LRRIQ1: variants seen among roughly 807,000 people sequenced by gnomAD.
The protein encoded by LRRIQ1 is leucine rich repeats and IQ motif containing 1.
In LRRIQ1, 210 loss-of-function variants were observed where a neutral mutation model predicts 211.9. The observed-to-expected ratio is 0.99, with a 90% CI of 0.89 to 1.11. The LOEUF (loss-of-function observed/expected upper bound fraction) is 1.11. Among genes scored for constraint, LRRIQ1 ranks in the 50% most tolerant of loss-of-function variants. LRRIQ1 has a pLI of 0.00. For missense variants in LRRIQ1, 2,136 were observed against 1,939.5 expected, an observed-to-expected ratio of 1.10 and a Z score of -1.90; for synonymous variants, 699 against 650.1, an observed-to-expected ratio of 1.08 and a Z score of -1.14.
At chr12:85,264,145 A>AT (rs1458628109) in exon 2 of LRRIQ1, 1 of 152,056 alleles carries the variant, frequency 6.6e-6, no homozygotes, top group Non-Finnish European at 1.5e-5. Context: ...ATTAATTTGT[A>AT]TCCCCCATCT....
In LRRIQ1 at chr12:85,254,772, ACTC is replaced by A. The variant is rs200989455; in HGVS notation, c.122-8142_122-8140del. Among the ~76,000 whole-genome samples the A allele has an allele frequency of 7.0e-4, 107 of 152,086 alleles. No homozygotes were observed. In the East Asian group the frequency reaches 0.017, roughly 24 times the overall value. On this transcript the variant is annotated intron_variant, in intron 1 of 1. Coordinates refer to the LRRIQ1 transcript ENST00000602731. Reference sequence around the variant, plus strand: ...TTTTGCAAGGTTCAAAGTAGTCACTACTCATTAATGTTTTATTAAAATATGTGT... The same window carrying A: ...TTTTGCAAGGTTCAAAGTAGTCACTAATTAATGTTTTATTAAAATATGTGT...
At chr12:85,179,036 C>T (rs1038072949) in intron 24 of LRRIQ1, among the ~76,000 whole-genome samples, 7 of 151,806 alleles carry the variant, frequency 4.6e-5, no homozygotes, top group African/African-American at 1.2e-4. Flanking sequence ...AGATAGAATA[C>T]CTAATTCTGT....
At chr12:85,142,703 C>G (rs1046603255) in intron 19 of LRRIQ1, among the ~76,000 whole-genome samples, 3 of 151,514 alleles carry the variant, frequency 2.0e-5, no homozygotes, top group African/African-American at 7.3e-5. Context: ...GATTCCCTGT[C>G]TGAGTGAAAC....
intron 24 of LRRIQ1, among the ~76,000 whole-genome samples, chr12:85,208,922 G>C (rs184205637): frequency 6.6e-6 from 1 of 152,004 alleles, no homozygotes; most frequent in East Asian, 1.9e-4. Flanking sequence ...GTCTTCTGGT[G>C]CTGTTACTCA....
At chr12:85,107,110 A>G (rs1023770067) in intron 15 of LRRIQ1, among the ~76,000 whole-genome samples, 4 of 152,138 alleles carry the variant, frequency 2.6e-5, no homozygotes, top group Non-Finnish European at 4.4e-5. Flanking sequence ...TAAACCAAGA[A>G]AAATATTTTG....
At chr12:85,154,445 T>C (rs1890433685) in intron 23 of LRRIQ1, among the ~76,000 whole-genome samples, 1 of 151,392 alleles carries the variant, frequency 6.6e-6, no homozygotes. Context: ...TTGCGTGCTT[T>C]TAAATTGCTT....
intron 19 of LRRIQ1, among the ~76,000 whole-genome samples, chr12:85,150,804 A>G (rs1440930668): frequency 6.6e-6 from 1 of 151,734 alleles, no homozygotes; most frequent in East Asian, 2.0e-4. Flanking sequence ...CAAATATTGA[A>G]TTATTTACAA....
intron 26 of LRRIQ1, 96 bp from the exon 27 acceptor site, chr12:85,244,693 C>T (rs1895635524): frequency 9.4e-7 from 1 of 1,061,630 alleles, no homozygotes; most frequent in Non-Finnish European, 1.4e-6. Flanking sequence ...GGTTGTTTGA[C>T]AGAGCCTGTT....
intron 18 of LRRIQ1, among the ~76,000 whole-genome samples, chr12:85,137,139 A>G (rs1889192009): frequency 6.6e-6 from 1 of 151,432 alleles, no homozygotes; most frequent in Non-Finnish European, 1.5e-5. Flanking sequence ...TAATGTATAT[A>G]TTTATACACA....
rs565744344 is a variant in LRRIQ1 at position 85,097,445 on chromosome 12, T to TC, written c.2888-904dup. On this transcript the variant is annotated intron_variant, in intron 11 of 26. Transcript: ENST00000393217. ...TACCACAGGCCCCAGTGTGTGATGT[T>TC]CCCCCCGCTGTGTCCAAGTGTTCTC... Among the ~76,000 whole-genome samples the TC allele has an allele frequency of 3.0e-4, 46 of 151,444 alleles. No individual in the cohort carries two copies. In the South Asian group the frequency reaches 9.1e-3, roughly 30 times the overall value.
At chr12:85,187,966 T>C (rs1210333176) in intron 24 of LRRIQ1, among the ~76,000 whole-genome samples, 3 of 152,040 alleles carry the variant, frequency 2.0e-5, no homozygotes, top group Admixed American at 6.6e-5. Context: ...TAAAACACTC[T>C]CATTGTACTC....
chr12:85,124,093 C>A lies in LRRIQ1; in HGVS notation c.3581C>A (p.Ala1194Glu). 6.2e-7 allele frequency: 1 copy of A among 1,611,926 alleles called. No homozygotes were observed. The highest frequency in any genetic ancestry group is 8.5e-7 in the Non-Finnish European group (1 of 1,178,164). The change falls in exon 17 of 27, where the codon GCA (alanine) becomes GAA (glutamate). Residue 1194 changes from alanine (A) to glutamate (E), a missense_variant. Physicochemically the swap from Ala to Glu is moderately radical, Grantham distance 107. Coordinates refer to ENST00000393217, the MANE Select transcript of LRRIQ1 (RefSeq NM_001079910.2). ...GKGDVFTLDT[A>E]ENLCHYFKKL... is the part of the protein sequence containing the mutation. ...AGAGATGTATTTACCTTGGATACTG[C>A]AGAAAATCTCTGTCATTATTTTAAG...
downstream of LRRIQ1, among the ~76,000 whole-genome samples, chr12:85,249,636 A>C: frequency 6.6e-6 from 1 of 151,968 alleles, no homozygotes; most frequent in East Asian, 1.9e-4. Context: ...AGGCACTTAC[A>C]TTAAGTGAAT....
chr12:85,253,543 A>G (rs1565929980), intron 1 of LRRIQ1, among the ~76,000 whole-genome samples: 1 of 152,058 alleles, frequency 6.6e-6, no homozygotes, highest in Non-Finnish European at 1.5e-5. Context: ...CCAGAACCAC[A>G]ACATTCTCAT....
At chr12:85,140,772 A>C (rs1889484188) in intron 19 of LRRIQ1, among the ~76,000 whole-genome samples, 1 of 151,238 alleles carries the variant, frequency 6.6e-6, no homozygotes, top group Non-Finnish European at 1.5e-5. Context: ...CTTCCTTAGA[A>C]TCTTAGAGAT....
chr12:85,184,471 TTGTC>T (rs146829696), intron 24 of LRRIQ1, among the ~76,000 whole-genome samples: 5 of 152,182 alleles, frequency 3.3e-5, no homozygotes, highest in African/African-American at 9.6e-5. Context: ...GTATGTGTAT[TTGTC>T]TGTATGAGTG....
At chr12:85,148,123 G>A (rs573742099) in intron 19 of LRRIQ1, among the ~76,000 whole-genome samples, 1 of 151,454 alleles carries the variant, frequency 6.6e-6, no homozygotes, top group Middle Eastern at 3.4e-3. Flanking sequence ...CCAGATCCTC[G>A]GTTGTAATTT....
chr12:85,190,601 A>G lies in LRRIQ1; in HGVS notation c.4822+29887A>G, dbSNP rs78581769. Among the ~76,000 whole-genome samples the G allele has an allele frequency of 8.2e-3, 1,246 of 151,470 alleles. 18 individuals are homozygous for G. Among genetic ancestry groups the G allele is most frequent in the African/African-American group, 0.029 (1,190 of 41,414 alleles). ...AATGCATATATTATCTATATTATGT[A>G]TGTAAGTGTACAGTTAGATATTCTG... On this transcript the variant is annotated intron_variant, in intron 24 of 26. Transcript: ENST00000393217.
At chr12:85,207,644 T>G (rs542256763) in intron 24 of LRRIQ1, among the ~76,000 whole-genome samples, 1 of 152,312 alleles carries the variant, frequency 6.6e-6, no homozygotes, top group South Asian at 2.1e-4. Context: ...CCTAGTAGTT[T>G]TATAGTTTTG....
Sources: gnomAD v4.1 joint callset for allele counts (sites outside exome capture counted in the v4.1 genomes callset) on GRCh38, gnomAD v4.1.1 for gene constraint, MANE v1.5 for transcripts, NCBI Gene and HGNC (gene_info 2026-07-23, HGNC 2026-07-21) for gene names.